The following MYCBP2 variants were observed in gnomAD, a reference collection of about 807,000 sequenced individuals.
The protein encoded by MYCBP2 is E3 ubiquitin-protein ligase MYCBP2.
A neutral mutation model predicts 525.3 loss-of-function variants in MYCBP2; 120 were observed. The observed-to-expected ratio is 0.23, with a 90% CI of 0.20 to 0.27. The LOEUF (loss-of-function observed/expected upper bound fraction) is 0.27. Ranked by LOEUF, MYCBP2 falls within the 10% of genes least tolerant of loss-of-function variation. The probability of loss-of-function intolerance (pLI) is 1.00; values close to 1 mark genes in which losing one functional copy is unlikely to be tolerated. For synonymous variants in MYCBP2, 1,894 were observed against 1,955.8 expected (o/e 0.97, Z 0.83); for missense variants, 4,149 against 5,657.1 (o/e 0.73, Z 8.55).
At chr13:77,121,228 T>C in intron 55 of MYCBP2, 145 bp downstream of exon 55, 3 of 800,424 alleles carry the variant, frequency 3.7e-6, no homozygotes, top group Non-Finnish European at 5.1e-6. Flanking sequence ...AGAACACCTT[T>C]GTAAACATTT....
At chr13:77,145,390 CT>C (rs2055362067) in intron 48 of MYCBP2, among the ~76,000 whole-genome samples, 1 of 152,114 alleles carries the variant, frequency 6.6e-6, no homozygotes, top group Non-Finnish European at 1.5e-5. Context: ...GTTGCTTTCC[CT>C]TTTCTGACTA....
chr13:77,158,618 T>C (rs186366760), intron 44 of MYCBP2, among the ~76,000 whole-genome samples: 1 of 152,160 alleles, frequency 6.6e-6, no homozygotes, highest in African/African-American at 2.4e-5. Context: ...TAATTTTTTT[T>C]AAAACTTTTT....
At chr13:77,263,325 T>A (rs1224377213) in intron 10 of MYCBP2, among the ~76,000 whole-genome samples, 3 of 152,070 alleles carry the variant, frequency 2.0e-5, no homozygotes, top group Admixed American at 1.3e-4. Context: ...AGTTGAAAAA[T>A]GATGCAGCAT....
intron 23 of MYCBP2, 73 bp downstream of exon 23, chr13:77,211,094 A>C: frequency 1.6e-6 from 2 of 1,217,534 alleles, no homozygotes; most frequent in African/African-American, 3.1e-5. Context: ...CCACCTGTAA[A>C]TAAAGTTTAT....
At chr13:77,072,070 C>T (rs1457409360) in intron 68 of MYCBP2, among the ~76,000 whole-genome samples, 4 of 151,788 alleles carry the variant, frequency 2.6e-5, no homozygotes, top group Admixed American at 6.6e-5. Context: ...GGGTGGATCA[C>T]GAGGTCAGGA....
intron 74 of MYCBP2, 62 bp from the exon 75 acceptor site, chr13:77,061,852 T>G (rs750851054): frequency 3.4e-5 from 49 of 1,420,710 alleles, no homozygotes; most frequent in African/African-American, 5.9e-5. Flanking sequence ...CTCATACAAA[T>G]TGAATATAAT....
At chr13:77,061,886 T>A in intron 74 of MYCBP2, 96 bp from the exon 75 acceptor site, 1 of 1,249,626 alleles carries the variant, frequency 8.0e-7, no homozygotes, top group Admixed American at 2.8e-5. Context: ...TAAACCGTTA[T>A]TCGGAAGTCT....
At chr13:77,193,940 T>C (rs1436835660) in intron 27 of MYCBP2, among the ~76,000 whole-genome samples, 1 of 152,180 alleles carries the variant, frequency 6.6e-6, no homozygotes, top group African/African-American at 2.4e-5. Flanking sequence ...ATTGAAACAG[T>C]TGACTTATGA....
chr13:77,211,170 C>A lies in MYCBP2; in HGVS notation c.3413G>T (p.Trp1138Leu). 6.9e-7 allele frequency: 1 copy of A among 1,448,556 alleles called. No individual in the cohort carries two copies. Among genetic ancestry groups the A allele is most frequent in the South Asian group, 1.7e-5 (1 of 59,950 alleles). The allele number at this position is 1,448,556 out of a possible 1,614,324, so 89.7% of individuals were successfully genotyped here. Residue 1138 changes from tryptophan to leucine, a missense_variant, in exon 23 of 83, where the codon TGG becomes TTG. Physicochemically the swap from Trp to Leu is moderately conservative, Grantham distance 61. Coordinates refer to ENST00000544440, the MANE Select transcript of MYCBP2 (RefSeq NM_015057.5). ...VCLDPVYDVI[W>L]RFRPNTRELW... ...TTTTATAAACTGAGATGCTTACCTCCAAATTACATCATATACAGGATCAAG... is the reference window on the plus strand; with the variant it reads ...TTTTATAAACTGAGATGCTTACCTCAAAATTACATCATATACAGGATCAAG...
intron 55 of MYCBP2, among the ~76,000 whole-genome samples, chr13:77,104,452 T>C (rs2154137039): frequency 6.6e-6 from 1 of 152,180 alleles, no homozygotes; most frequent in Non-Finnish European, 1.5e-5. Context: ...CAAATAAGTA[T>C]ACATCACATC....
chr13:77,225,259 T>C (rs1361263927), intron 19 of MYCBP2, among the ~76,000 whole-genome samples, 176 bp downstream of exon 19: 2 of 152,208 alleles, frequency 1.3e-5, no homozygotes, highest in Non-Finnish European at 2.9e-5. Context: ...TGTTCCATCA[T>C]GCCATAGTTG....
chr13:77,320,363 G>A (rs2081444206), intron 1 of MYCBP2, among the ~76,000 whole-genome samples: 1 of 152,132 alleles, frequency 6.6e-6, no homozygotes, highest in Non-Finnish European at 1.5e-5. Flanking sequence ...TGGCTAATGA[G>A]GGAAGAGAAT....
intron 49 of MYCBP2, among the ~76,000 whole-genome samples, chr13:77,142,659 C>T (rs2054876619): frequency 1.3e-5 from 2 of 152,176 alleles, no homozygotes; most frequent in Non-Finnish European, 1.5e-5. Context: ...TTCTTGATTT[C>T]AGAACTTCTC....
chr13:77,095,263 T>C (rs763639710), intron 58 of MYCBP2, 95 bp downstream of exon 58: 7 of 1,451,178 alleles, frequency 4.8e-6, no homozygotes, highest in Non-Finnish European at 6.5e-6. Flanking sequence ...CAATAGCTAA[T>C]AAAGTGTAGG....
At chr13:77,230,027 G>A (rs1402482209) in intron 18 of MYCBP2, among the ~76,000 whole-genome samples, 3 of 152,138 alleles carry the variant, frequency 2.0e-5, no homozygotes, top group Non-Finnish European at 4.4e-5. Flanking sequence ...TTCGAATATA[G>A]TTTATAGGCA....
Position 77,288,259 on chromosome 13 carries a change from T to C in MYCBP2, c.496A>G (p.Ile166Val), listed in dbSNP as rs1300481568. Residue 166 changes from isoleucine to valine, a missense_variant, in exon 3 of 83, where the codon ATA becomes GTA. Ile to Val is a conservative substitution (Grantham distance 29, BLOSUM62 3). Coordinates refer to ENST00000544440, the MANE Select transcript of MYCBP2 (RefSeq NM_015057.5). Reference sequence around the variant, plus strand: ...TTCTTAGATGCGGCTGCCAATGATATTTCCTTTTTCTGCCATTCCAGAACG... The same window carrying C: ...TTCTTAGATGCGGCTGCCAATGATACTTCCTTTTTCTGCCATTCCAGAACG... ...HCVLEWQKKE[I>V]SLAAASKNSV... is the part of the protein sequence containing the mutation. The C allele has an allele frequency of 5.0e-6, 8 of 1,614,218 alleles. No homozygotes were observed. Among genetic ancestry groups the C allele is most frequent in the Non-Finnish European group, 6.8e-6 (8 of 1,180,042 alleles).
chr13:77,158,152 A>T, intron 44 of MYCBP2, 43 bp from the exon 45 acceptor site: 1 of 1,311,506 alleles, frequency 7.6e-7, no homozygotes, highest in Non-Finnish European at 1.0e-6. Context: ...TAAAAATAAA[A>T]CTTTAATTAC....
chr13:77,256,085 G>A (rs2072139932), intron 14 of MYCBP2, among the ~76,000 whole-genome samples: 1 of 151,974 alleles, frequency 6.6e-6, no homozygotes, highest in Admixed American at 6.6e-5. Context: ...TCTCTTCAAT[G>A]GCCTGAGGGT....
chr13:77,176,776 A>T, intron 35 of MYCBP2, 148 bp from the exon 36 acceptor site: 1 of 568,542 alleles, frequency 1.8e-6, no homozygotes, highest in South Asian at 6.4e-5. Flanking sequence ...TGAAAGAAAA[A>T]GTTGGGGGTA....
Sources: allele counts gnomAD v4.1 joint callset (sites outside exome capture counted in the v4.1 genomes callset), GRCh38; gene constraint gnomAD v4.1.1; transcripts MANE v1.5; gene names NCBI Gene and HGNC (gene_info 2026-07-23, HGNC 2026-07-21).